The following HDAC1 variants were observed in gnomAD, a reference collection of about 807,000 sequenced individuals.
HDAC1 encodes the protein histone deacetylase 1.
Under a neutral mutation model 65.5 loss-of-function variants are expected in HDAC1, and 18 were observed. The ratio of observed to expected loss-of-function variants is 0.27; its 90% confidence interval spans 0.19 to 0.41. The LOEUF is 0.41. Ranked by LOEUF, HDAC1 falls within the 10% of genes least tolerant of loss-of-function variation. HDAC1 has a pLI of 1.00. For missense variants in HDAC1, 373 were observed against 625.2 expected (o/e 0.60, Z 4.30); for synonymous variants, 211 against 227.9 (o/e 0.93, Z 0.67).
intron 1 of HDAC1, 193 bp downstream of exon 1, chr1:32,292,411 G>C: frequency 1.0e-6 from 1 of 985,338 alleles, no homozygotes; most frequent in Non-Finnish European, 1.2e-6. Context: ...CTGAGACCAA[G>C]AGGGGATCGC....
intron 3 of HDAC1, among the ~76,000 whole-genome samples, chr1:32,320,177 G>A (rs1306608893): frequency 2.0e-5 from 3 of 150,928 alleles, no homozygotes; most frequent in African/African-American, 7.3e-5. Flanking sequence ...CCGAGATCAC[G>A]CCACTGTACT....
intron 2 of HDAC1, among the ~76,000 whole-genome samples, chr1:32,311,325 G>C (rs889292981): frequency 6.6e-6 from 1 of 152,008 alleles, no homozygotes; most frequent in Non-Finnish European, 1.5e-5. Flanking sequence ...AAAATTAGCC[G>C]GGCGTGGTCG....
chr1:32,324,115 GA>G lies in HDAC1; in HGVS notation c.281-355del, dbSNP rs963555181. 1.4e-3 allele frequency among the ~76,000 whole-genome samples: 202 copies of G among 148,676 alleles called. 2 individuals are homozygous for G. Among genetic ancestry groups the G allele is most frequent in the African/African-American group, 4.9e-3 (197 of 40,610 alleles). On this transcript the variant is annotated intron_variant, in intron 3 of 13. Transcript: ENST00000373548. Reference sequence around the variant, plus strand: ...GCTCTGTCTCTAAAAAAAAAAAAAAGAAAAAAAAATTAGCTGGGTATAGTGG... The same window carrying G: ...GCTCTGTCTCTAAAAAAAAAAAAAAGAAAAAAAATTAGCTGGGTATAGTGG...
rs1320140531 is a variant in HDAC1 at position 32,329,028 on chromosome 1, C to T, written c.637-40C>T. The T allele has an allele frequency of 5.7e-6, 7 of 1,234,556 alleles. No individual in the cohort carries two copies. The East Asian group carries it at 1.6e-4, about 29-fold the overall frequency. The allele number at this position is 1,234,556 out of a possible 1,614,324, so 76.5% of individuals were successfully genotyped here. On this transcript the variant is annotated intron_variant, in intron 6 of 13. Coordinates refer to ENST00000373548, the MANE Select transcript of HDAC1 (RefSeq NM_004964.3). The surrounding 1 kb of genome is among the most constrained non-coding windows in gnomAD (Gnocchi z 4.1). ...CCCCTATCCTTGACCTTCCTTCAAG[C>T]TTCATCCTTCAGTTTTACTTTAATG...
chr1:32,303,106 G>A (rs956597303), intron 2 of HDAC1, among the ~76,000 whole-genome samples: 2 of 152,182 alleles, frequency 1.3e-5, no homozygotes, highest in East Asian at 1.9e-4. Context: ...CTGGGAGGTC[G>A]AGGCTGTAGT....
At position 32,330,359 on chromosome 1, in the gene HDAC1, A is replaced by G; in HGVS notation, c.730-219A>G. 1.9e-6 allele frequency: 1 copy of G among 522,370 alleles called. No homozygotes were observed. Among genetic ancestry groups the G allele is most frequent in the Non-Finnish European group, 3.5e-6 (1 of 287,666 alleles). The allele number at this position is 522,370 out of a possible 1,614,324, so 32.4% of individuals were successfully genotyped here. A position where few individuals can be genotyped will look rare whatever the true frequency, so the allele number is the denominator to read the frequency against. ...AGGCCATTCTAGGTTCAGTGTTACT[A>G]GAGTGTTAGAAGGGTCTTAGAGAAC... On this transcript the variant is annotated intron_variant, in intron 7 of 13. Coordinates refer to ENST00000373548, the MANE Select transcript of HDAC1 (RefSeq NM_004964.3). The surrounding 1 kb of genome is among the most constrained non-coding windows in gnomAD (Gnocchi z 4.2).
At chr1:32,307,760 A>G (rs1427119902) in intron 2 of HDAC1, among the ~76,000 whole-genome samples, 1 of 152,200 alleles carries the variant, frequency 6.6e-6, no homozygotes, top group East Asian at 1.9e-4. Context: ...CCTGGGATGA[A>G]GATGGATTGT....
Position 32,327,671 on chromosome 1 carries a change from C to T in HDAC1, c.630C>T (p.Asp210=). 6.2e-7 allele frequency: 1 copy of T among 1,614,040 alleles called. No homozygotes were observed. Among genetic ancestry groups the T allele is most frequent in the Non-Finnish European group, 8.5e-7 (1 of 1,179,900 alleles). The change falls in exon 6 of 14, where the codon GAC becomes GAT. Residue 210 remains aspartate (D), a synonymous_variant. Transcript: ENST00000373548. This position sits in a 1 kb window ranked among gnomAD's most constrained non-coding sequence, Gnocchi z 6.0. ...KYGEYFPGTG[D]LRDIGAGKGK... ...GAGAGTACTTCCCAGGAACTGGGGA[C>T]CTACGGGTGAGAACGCCCTTTAGGA...
chr1:32,331,629 G>C lies in HDAC1; in HGVS notation c.1088+47G>C. The C allele has an allele frequency of 6.2e-7, 1 of 1,613,582 alleles. No individual in the cohort carries two copies. The highest frequency in any genetic ancestry group is 8.5e-7 in the Non-Finnish European group (1 of 1,179,614). On this transcript the variant is annotated intron_variant, in intron 10 of 13. Transcript: ENST00000373548. The surrounding 1 kb of genome is among the most constrained non-coding windows in gnomAD (Gnocchi z 4.2). ...CCCTTGGTTGAACATTCCTGACTTT[G>C]GTTTGTCCCTGACCAGAGCCCTGCT...
chr1:32,330,817 G>A lies in HDAC1; in HGVS notation c.888G>A (p.Leu296=), dbSNP rs1323223799. ...TCAAGAGCTTTAACCTGCCTATGCT[G>A]ATGCTGGGAGGCGGTGGTTACACCA... ...EFVKSFNLPM[L]MLGGGGYTIR... The change falls in exon 9 of 14, where the codon CTG becomes CTA. Residue 296 remains leucine (L), a synonymous_variant. Coordinates refer to ENST00000373548, the MANE Select transcript of HDAC1 (RefSeq NM_004964.3). This position sits in a 1 kb window ranked among gnomAD's most constrained non-coding sequence, Gnocchi z 4.2. 3.1e-6 allele frequency: 5 copies of A among 1,614,072 alleles called. No homozygotes were observed. The highest frequency in any genetic ancestry group is 3.4e-6 in the Non-Finnish European group (4 of 1,180,018).
chr1:32,324,170 A>G (rs563322870), intron 3 of HDAC1, among the ~76,000 whole-genome samples: 27 of 152,014 alleles, frequency 1.8e-4, no homozygotes, highest in African/African-American at 6.0e-4. Context: ...AGTACTTGGG[A>G]GACTGAGGTG....
At chr1:32,326,873 TGG>T (rs1360640045) in intron 4 of HDAC1, 64 bp from the exon 5 acceptor site, 1 of 1,586,116 alleles carries the variant, frequency 6.3e-7, no homozygotes, top group East Asian at 2.2e-5. Context: ...CTAGGTTCCC[TGG>T]GCTTCTTGGA....
At chr1:32,311,780 A>G (rs1640995796) in intron 2 of HDAC1, among the ~76,000 whole-genome samples, 1 of 152,182 alleles carries the variant, frequency 6.6e-6, no homozygotes, top group East Asian at 1.9e-4. Flanking sequence ...TGTTGAGTCC[A>G]GTTGAATTTG....
At chr1:32,314,500 G>A (rs1455570598) in intron 2 of HDAC1, among the ~76,000 whole-genome samples, 1 of 151,826 alleles carries the variant, frequency 6.6e-6, no homozygotes, top group Non-Finnish European at 1.5e-5. Context: ...GCCCAATAAT[G>A]ATCTTCCTTA....
At chr1:32,332,869 A>T in intron 13 of HDAC1, 120 bp downstream of exon 13, 1 of 1,173,984 alleles carries the variant, frequency 8.5e-7, no homozygotes, top group South Asian at 1.3e-5. Context: ...TCTTTCAGGG[A>T]CCAGTCTGTC....
At chr1:32,302,844 G>A (rs1640867938) in intron 2 of HDAC1, 111 bp downstream of exon 2, 4 of 677,032 alleles carry the variant, frequency 5.9e-6, no homozygotes, top group African/African-American at 5.3e-5. Context: ...TCAAATGCAT[G>A]TTGACTGCTG....
At chr1:32,322,561 G>T (rs1057138334) in intron 3 of HDAC1, among the ~76,000 whole-genome samples, 1 of 152,162 alleles carries the variant, frequency 6.6e-6, no homozygotes, top group Non-Finnish European at 1.5e-5. Context: ...GAGCCACCGC[G>T]CCCGGCCAGT....
At chr1:32,316,910 G>T (rs1259137534) in intron 3 of HDAC1, 128 bp downstream of exon 3, 3 of 681,632 alleles carry the variant, frequency 4.4e-6, no homozygotes, top group African/African-American at 3.6e-5. Flanking sequence ...CCTCCTAAAG[G>T]TGCCAGAGTG....
chr1:32,310,952 G>GA lies in HDAC1; in HGVS notation c.163-5704dup, dbSNP rs749018283. Reference sequence around the variant, plus strand: ...GAAAGGAAGGAAAGAAGAGAGAAAAGAAAAAAAAAGAAAGAGAGACAGAAA... The same window carrying GA: ...GAAAGGAAGGAAAGAAGAGAGAAAAGAAAAAAAAAAGAAAGAGAGACAGAAA... On this transcript the variant is annotated intron_variant, in intron 2 of 13. Transcript: ENST00000373548. 8.8e-4 allele frequency among the ~76,000 whole-genome samples: 131 copies of GA among 148,822 alleles called. 2 individuals are homozygous for GA. Among genetic ancestry groups the GA allele is most frequent in the South Asian group, 2.1e-4 (1 of 4,702 alleles).
Sources: gnomAD v4.1 joint callset for allele counts (sites outside exome capture counted in the v4.1 genomes callset) on GRCh38, gnomAD v4.1.1 for gene constraint, Gnocchi (gnomAD v3.1) non-coding constraint, MANE v1.5 for transcripts, NCBI Gene and HGNC (gene_info 2026-07-23, HGNC 2026-07-21) for gene names.